Variants in SVIL observed in about 807,000 individuals in gnomAD.
The protein encoded by SVIL is archvillin.
In SVIL, 101 loss-of-function variants were observed where a neutral mutation model predicts 240.4. The ratio of observed to expected loss-of-function variants is 0.42; its 90% confidence interval spans 0.36 to 0.50. The LOEUF (loss-of-function observed/expected upper bound fraction) is 0.50, where lower values mean the gene tolerates loss of function less well. SVIL is among the 20% of genes least tolerant of loss of function. SVIL has a pLI of 0.01. For missense variants in SVIL, 2,512 were observed against 2,818.7 expected (o/e 0.89, Z 2.46); for synonymous variants, 999 against 1,100.0 (o/e 0.91, Z 1.82).
In SVIL at chr10:29,725,333, T is replaced by C. The variant is rs1045522696; in HGVS notation, c.-400+10418A>G. On this transcript the variant is annotated intron_variant, in intron 1 of 35. Transcript: ENST00000375400. ...AGCCTCTCCTTCCCTTCAAGAGTGA[T>C]AGGTTTCCTCCAATCTGTCCAGCCA... Among the ~76,000 whole-genome samples, 10 of 152,048 alleles carry C rather than the reference T, an allele frequency of 6.6e-5. No individual in the cohort carries two copies. In the East Asian group the frequency reaches 1.7e-3, roughly 27 times the overall value.
chr10:29,595,353 G>T (rs74129740), intron 1 of SVIL, among the ~76,000 whole-genome samples: 1 of 152,128 alleles, frequency 6.6e-6, no homozygotes, highest in Non-Finnish European at 1.5e-5. Context: ...AGCCCCACCC[G>T]GCACCCTCAG....
At chr10:29,646,194 C>T (rs1564732663) in intron 3 of SVIL, among the ~76,000 whole-genome samples, 1 of 152,190 alleles carries the variant, frequency 6.6e-6, no homozygotes, top group Non-Finnish European at 1.5e-5. Context: ...CCAAAGGCAA[C>T]TTTATCCCTC....
Position 29,519,274 on chromosome 10 carries a change from C to T in SVIL, c.3389+3136G>A, listed in dbSNP as rs764476947. 9.2e-5 allele frequency among the ~76,000 whole-genome samples: 14 copies of T among 152,252 alleles called. No homozygotes were observed. In the South Asian group the frequency reaches 1.0e-3, roughly 11 times the overall value. ...TTGGCTGCTCTAACACTAATCTGAGCGCACCGCGGTCTCACCATGGACCAG... is the reference window on the plus strand; with the variant it reads ...TTGGCTGCTCTAACACTAATCTGAGTGCACCGCGGTCTCACCATGGACCAG... On this transcript the variant is annotated intron_variant, in intron 16 of 37. Transcript: ENST00000355867.
intron 1 of SVIL, among the ~76,000 whole-genome samples, chr10:29,630,417 A>G (rs1263271764): frequency 6.6e-6 from 1 of 152,222 alleles, no homozygotes; most frequent in Admixed American, 6.5e-5. Context: ...TGCCTCTTTC[A>G]AAACCTCCTA....
intron 1 of SVIL, among the ~76,000 whole-genome samples, chr10:29,730,386 G>A (rs1564370149): frequency 6.6e-6 from 1 of 152,084 alleles, no homozygotes; most frequent in African/African-American, 2.4e-5. Context: ...CCAGTCAGAG[G>A]GGAGTGTTGA....
intron 1 of SVIL, among the ~76,000 whole-genome samples, chr10:29,604,377 T>A (rs1564692149): frequency 7.0e-6 from 1 of 143,400 alleles, no homozygotes; most frequent in South Asian, 2.3e-4. Flanking sequence ...TTTTTTTTTT[T>A]TTTTTTTTTT....
At chr10:29,586,262 G>A (rs1366563814) in intron 1 of SVIL, among the ~76,000 whole-genome samples, 2 of 152,180 alleles carry the variant, frequency 1.3e-5, no homozygotes, top group African/African-American at 4.8e-5. Context: ...AGGTTATTGA[G>A]TGCATTCAGT....
chr10:29,606,134 C>T (rs1247639938), intron 1 of SVIL, among the ~76,000 whole-genome samples: 4 of 152,076 alleles, frequency 2.6e-5, no homozygotes, highest in Non-Finnish European at 5.9e-5. Context: ...TGGTCTCAAA[C>T]TCCTGAACTC....
chr10:29,497,054 G>T (rs1442046265), intron 18 of SVIL, among the ~76,000 whole-genome samples: 1 of 152,168 alleles, frequency 6.6e-6, no homozygotes. Flanking sequence ...TTGGCAAATG[G>T]TACCTCATTC....
At chr10:29,618,910 A>C (rs762486858) in intron 1 of SVIL, among the ~76,000 whole-genome samples, 1 of 152,108 alleles carries the variant, frequency 6.6e-6, no homozygotes, top group Non-Finnish European at 1.5e-5. Context: ...ACCTTAACAC[A>C]GAGAGCCAGT....
chr10:29,566,843 A>T, intron 2 of SVIL, among the ~76,000 whole-genome samples: 1 of 152,024 alleles, frequency 6.6e-6, no homozygotes, highest in Non-Finnish European at 1.5e-5. Flanking sequence ...CTTCCTCCTC[A>T]GTCACCCCTC....
chr10:29,651,950 C>T (rs1341847585), intron 3 of SVIL, among the ~76,000 whole-genome samples: 2 of 152,096 alleles, frequency 1.3e-5, no homozygotes, highest in Non-Finnish European at 2.9e-5. Context: ...CTTGTCCTCA[C>T]TCCCTAAGTC....
chr10:29,587,137 G>A (rs369189345), intron 1 of SVIL, among the ~76,000 whole-genome samples: 7 of 152,316 alleles, frequency 4.6e-5, no homozygotes, highest in Admixed American at 1.3e-4. Flanking sequence ...AGAAAGCCTC[G>A]TACCATTCTG....
chr10:29,602,811 C>T (rs143681240), intron 1 of SVIL, among the ~76,000 whole-genome samples: 198 of 152,228 alleles, frequency 1.3e-3, no homozygotes, highest in African/African-American at 4.6e-3. Flanking sequence ...CATGGTGAAA[C>T]CCTGTCTCTA....
At chr10:29,669,672 A>T (rs1959609941) in intron 2 of SVIL, among the ~76,000 whole-genome samples, 1 of 152,138 alleles carries the variant, frequency 6.6e-6, no homozygotes, top group South Asian at 2.1e-4. Context: ...GGAGGCACTG[A>T]GAAGTGGCCA....
At chr10:29,636,787 T>A (rs1958325301), upstream of SVIL, among the ~76,000 whole-genome samples, 1 of 151,964 alleles carries the variant, frequency 6.6e-6, no homozygotes, top group East Asian at 1.9e-4. Context: ...TCTTGCAAGG[T>A]TTTTTTGTTT....
intron 1 of SVIL, among the ~76,000 whole-genome samples, chr10:29,582,873 G>A (rs1226318606): frequency 3.3e-5 from 5 of 152,108 alleles, no homozygotes; most frequent in Admixed American, 1.3e-4. Context: ...CTCTCCTCTC[G>A]TGAGAAGAAG....
chr10:29,604,364 T>A (rs1589368508), intron 1 of SVIL, among the ~76,000 whole-genome samples: 1 of 72,234 alleles, frequency 1.4e-5, no homozygotes, highest in East Asian at 2.7e-4. Flanking sequence ...CATGTCTGGC[T>A]TTTTTTTTTT....
At chr10:29,636,366 T>C (rs1218890457), upstream of SVIL, among the ~76,000 whole-genome samples, 1 of 152,202 alleles carries the variant, frequency 6.6e-6, no homozygotes, top group Non-Finnish European at 1.5e-5. Flanking sequence ...AAAGAGAAGA[T>C]AGGAGGAGAA....
Sources: gnomAD v4.1 joint callset for allele counts (sites outside exome capture counted in the v4.1 genomes callset) on GRCh38, gnomAD v4.1.1 for gene constraint, MANE v1.5 for transcripts, NCBI Gene and HGNC (gene_info 2026-07-23, HGNC 2026-07-21) for gene names.